The following RGS7 variants were observed in gnomAD, a reference collection of about 807,000 sequenced individuals.
RGS7 encodes the protein regulator of G protein signaling 7.
RGS7 carries 27 observed loss-of-function variants against 81.1 expected under a neutral mutation model. The ratio of observed to expected loss-of-function variants is 0.33; its 90% confidence interval spans 0.25 to 0.46. The LOEUF is 0.46. Ranked by LOEUF, RGS7 falls within the 20% of genes least tolerant of loss-of-function variation. RGS7 has a pLI of 1.00. For synonymous variants in RGS7, 208 were observed against 207.7 expected (o/e 1.00, Z -0.01); for missense variants, 396 against 607.4 (o/e 0.65, Z 3.66).
intron 3 of RGS7, among the ~76,000 whole-genome samples, chr1:241,074,642 G>A (rs9428858): frequency 0.028 from 4,245 of 152,232 alleles, 187 homozygotes; most frequent in African/African-American, 0.093. Context: ...CAGTTCTAGC[G>A]AAAGTACTGG....
intron 2 of RGS7, among the ~76,000 whole-genome samples, chr1:241,283,150 G>C (rs1042531071): frequency 3.3e-5 from 5 of 152,158 alleles, no homozygotes; most frequent in African/African-American, 4.8e-5. Context: ...CAGTGCTGTA[G>C]TTTTTGCTTC....
chr1:241,009,227 C>G (rs1459270739), intron 3 of RGS7, among the ~76,000 whole-genome samples: 1 of 152,064 alleles, frequency 6.6e-6, no homozygotes, highest in Non-Finnish European at 1.5e-5. Flanking sequence ...CAAGCTGTAA[C>G]TAATCAAATT....
chr1:240,975,958 G>C (rs1441380882), intron 4 of RGS7, among the ~76,000 whole-genome samples: 1 of 152,232 alleles, frequency 6.6e-6, no homozygotes, highest in Non-Finnish European at 1.5e-5. Context: ...TTGTCCAGGG[G>C]ATTTGTCTTA....
At chr1:240,944,138 T>C (rs1230656740) in intron 4 of RGS7, among the ~76,000 whole-genome samples, 1 of 151,486 alleles carries the variant, frequency 6.6e-6, no homozygotes, top group Non-Finnish European at 1.5e-5. Context: ...CATGTAATAC[T>C]GGTGTGAATA....
chr1:241,095,033 A>AT (rs956095483), intron 3 of RGS7, among the ~76,000 whole-genome samples: 7 of 152,064 alleles, frequency 4.6e-5, no homozygotes, highest in African/African-American at 1.4e-4. Context: ...CCCAAGTAAA[A>AT]TTTTTTTTAA....
At chr1:240,862,772 T>G (rs1662450742) in intron 9 of RGS7, among the ~76,000 whole-genome samples, 1 of 152,246 alleles carries the variant, frequency 6.6e-6, no homozygotes, top group Non-Finnish European at 1.5e-5. Flanking sequence ...ATATTTAAGC[T>G]TTTTATTCTA....
At chr1:241,185,652 G>C (rs528914439) in intron 2 of RGS7, among the ~76,000 whole-genome samples, 27 of 152,208 alleles carry the variant, frequency 1.8e-4, no homozygotes, top group African/African-American at 6.5e-4. Context: ...TTTCCTGCCT[G>C]AAAGATCAAA....
intron 3 of RGS7, among the ~76,000 whole-genome samples, chr1:241,089,063 C>CTCTCTATATATATATATA (rs1374552672): frequency 8.4e-5 from 2 of 23,684 alleles, no homozygotes; most frequent in African/African-American, 4.6e-4. Context: ...CTCTCTCTCT[C>CTCTCTATATATATATATA]TATATATATA....
chr1:240,981,819 T>C (rs1158458902), intron 4 of RGS7, among the ~76,000 whole-genome samples: 2 of 152,206 alleles, frequency 1.3e-5, no homozygotes, highest in African/African-American at 2.4e-5. Context: ...TATTGCTTTA[T>C]AAAGCTAGCT....
At chr1:240,822,910 T>G (rs926717249) in intron 10 of RGS7, 5 of 408,414 alleles carry the variant, frequency 1.2e-5, no homozygotes, top group Non-Finnish European at 2.3e-5. Flanking sequence ...TGAGGCTGGA[T>G]AGTAATAAAC....
At chr1:241,277,607 A>G (rs933496311) in intron 2 of RGS7, among the ~76,000 whole-genome samples, 1 of 144,304 alleles carries the variant, frequency 6.9e-6, no homozygotes, top group African/African-American at 2.5e-5. Context: ...CGATAAAACG[A>G]GACTCCATCT....
At chr1:240,908,250 C>T (rs547105069) in intron 6 of RGS7, among the ~76,000 whole-genome samples, 9 of 151,422 alleles carry the variant, frequency 5.9e-5, no homozygotes, top group African/African-American at 4.8e-5. Context: ...CTAATGTAAA[C>T]GACGAGTTAA....
rs193233965 is a variant in RGS7, at chr1:241,135,835, G to A, written c.79-37073C>T. Among the ~76,000 whole-genome samples the A allele has an allele frequency of 2.8e-3, 429 of 151,678 alleles. 2 individuals carry two copies. The highest frequency in any genetic ancestry group is 3.5e-3 in the Non-Finnish European group (235 of 67,906). On this transcript the variant is annotated intron_variant, in intron 2 of 18. Transcript: ENST00000440928. The stretch of plus-strand genomic sequence containing the variant: ...TTGCCCAGGCTAGAGTGCAATGGCG[G>A]GATCTCAGCTCACCACAACCTCCGC...
chr1:241,311,235 C>G (rs1262609800), intron 2 of RGS7, among the ~76,000 whole-genome samples: 1 of 152,100 alleles, frequency 6.6e-6, no homozygotes, highest in Non-Finnish European at 1.5e-5. Flanking sequence ...AAATCACACA[C>G]CACAGAAAAT....
intron 6 of RGS7, among the ~76,000 whole-genome samples, chr1:240,930,079 C>T (rs1572819080): frequency 6.6e-6 from 1 of 152,302 alleles, no homozygotes; most frequent in East Asian, 1.9e-4. Context: ...GAAAACTGTA[C>T]TGTTCAGGAA....
chr1:241,325,101 C>T (rs2081416591), intron 2 of RGS7, among the ~76,000 whole-genome samples: 1 of 152,168 alleles, frequency 6.6e-6, no homozygotes, highest in Non-Finnish European at 1.5e-5. Context: ...TTAATTCCTC[C>T]ATGTTCCCAT....
intron 14 of RGS7, among the ~76,000 whole-genome samples, chr1:240,808,514 C>G (rs1475400726): frequency 6.6e-6 from 1 of 152,060 alleles, no homozygotes; most frequent in Admixed American, 6.6e-5. Context: ...TATTATTTCC[C>G]TCATTTTAGA....
chr1:241,019,859 G>T (rs188222661), intron 3 of RGS7, among the ~76,000 whole-genome samples: 1 of 152,300 alleles, frequency 6.6e-6, no homozygotes, highest in East Asian at 1.9e-4. Context: ...ATTTGAAAAT[G>T]ATATGTTGAC....
chr1:241,299,432 G>A (rs1249146734), intron 2 of RGS7, among the ~76,000 whole-genome samples: 4 of 151,960 alleles, frequency 2.6e-5, no homozygotes, highest in Non-Finnish European at 5.9e-5. Flanking sequence ...TGTTTTGAAG[G>A]TGAGATAGGA....
Sources: allele counts gnomAD v4.1 joint callset (sites outside exome capture counted in the v4.1 genomes callset), GRCh38; gene constraint gnomAD v4.1.1; transcripts MANE v1.5; gene names NCBI Gene and HGNC (gene_info 2026-07-23, HGNC 2026-07-21).